The following TMEM170B variants were observed in gnomAD, a reference collection of about 807,000 sequenced individuals.
TMEM170B encodes transmembrane protein 170B.
TMEM170B carries 6 observed loss-of-function variants against 13.0 expected under a neutral mutation model. The observed-to-expected ratio is 0.46, with a 90% CI of 0.25 to 0.91. The LOEUF (loss-of-function observed/expected upper bound fraction) is 0.91, where lower values mean the gene tolerates loss of function less well. Ranked by LOEUF, TMEM170B falls within the 40% of genes least tolerant of loss-of-function variation. TMEM170B has a pLI of 0.17. For missense variants in TMEM170B, 138 were observed against 165.2 expected, an observed-to-expected ratio of 0.84 and a Z score of 0.90; for synonymous variants, 61 against 64.9, an observed-to-expected ratio of 0.94 and a Z score of 0.29.
intron 2 of TMEM170B, among the ~76,000 whole-genome samples, chr6:11,573,444 G>A (rs1582147469): frequency 6.6e-6 from 1 of 152,072 alleles, no homozygotes; most frequent in African/African-American, 2.4e-5. Context: ...TACTAGGATC[G>A]TCCACTGTTT....
chr6:11,542,694 A>G (rs1044528690), intron 1 of TMEM170B, among the ~76,000 whole-genome samples: 15 of 152,294 alleles, frequency 9.8e-5, no homozygotes, highest in African/African-American at 2.6e-4. Flanking sequence ...GATGGGATTC[A>G]TTGTGGCCTT....
intron 1 of TMEM170B, among the ~76,000 whole-genome samples, chr6:11,558,342 G>A (rs1383903119): frequency 6.6e-6 from 1 of 151,824 alleles, no homozygotes; most frequent in African/African-American, 2.4e-5. Context: ...ATATTTTTTG[G>A]TTTTAGTCAA....
chr6:11,542,664 T>G (rs1190580769), intron 1 of TMEM170B, among the ~76,000 whole-genome samples: 1 of 152,194 alleles, frequency 6.6e-6, no homozygotes, highest in Admixed American at 6.5e-5. Flanking sequence ...ACAGTGGCAG[T>G]CTATAAGTGA....
chr6:11,541,300 G>A (rs540986932), intron 1 of TMEM170B, among the ~76,000 whole-genome samples: 2 of 152,276 alleles, frequency 1.3e-5, no homozygotes, highest in East Asian at 1.9e-4. Context: ...TCTGTTGTTT[G>A]GGGTAGCCAC....
At chr6:11,572,431 ATTTAACT>A (rs916425343) in intron 2 of TMEM170B, among the ~76,000 whole-genome samples, 13 of 152,190 alleles carry the variant, frequency 8.5e-5, no homozygotes, top group African/African-American at 2.9e-4. Flanking sequence ...TCAAGAGTTT[ATTTAACT>A]TTTTCATTGT....
intron 1 of TMEM170B, among the ~76,000 whole-genome samples, chr6:11,538,625 A>T (rs1348381957): frequency 6.6e-6 from 1 of 151,996 alleles, no homozygotes; most frequent in Non-Finnish European, 1.5e-5. Context: ...GCACGGGGAG[A>T]GCTCCCGGTG....
intron 2 of TMEM170B, among the ~76,000 whole-genome samples, chr6:11,566,516 G>A (rs1019982373): frequency 2.0e-5 from 3 of 152,182 alleles, no homozygotes; most frequent in Admixed American, 2.0e-4. Flanking sequence ...AATCCATACA[G>A]GTCTGCAGCA....
At position 11,556,135 on chromosome 6, in the gene TMEM170B, G is replaced by A. The variant is rs1207315962; in HGVS notation, c.98-9531G>A. On this transcript the variant is annotated intron_variant, in intron 1 of 2. Coordinates refer to ENST00000379426, the MANE Select transcript of TMEM170B (RefSeq NM_001100829.3). ...CGCGCCACTGCACTCCAGCCTGGGC[G>A]ACAGAGCGAGACTCCGTCTCAAAAA... is the stretch of plus-strand genomic sequence containing the variant. Among the ~76,000 whole-genome samples the A allele has an allele frequency of 8.4e-3, 2 of 238 alleles. 1 individual carries two copies. The highest frequency in any genetic ancestry group is 8.5e-3 in the African/African-American group (2 of 236). The allele number at this position is 238 out of a possible 152,430, so 0.2% of individuals were successfully genotyped here.
chr6:11,565,410 A>G (rs1452863148), intron 1 of TMEM170B, among the ~76,000 whole-genome samples: 2 of 152,198 alleles, frequency 1.3e-5, no homozygotes, highest in African/African-American at 4.8e-5. Flanking sequence ...TAGCTATGTA[A>G]TAGGGGCATT....
intron 1 of TMEM170B, among the ~76,000 whole-genome samples, chr6:11,564,697 G>C (rs1759712874): frequency 6.6e-6 from 1 of 152,226 alleles, no homozygotes; most frequent in Non-Finnish European, 1.5e-5. Context: ...TAAGGGACTT[G>C]ATTCTCTCTT....
In TMEM170B at chr6:11,577,752, TTTGTAGAGTGTCCTGCAGTTATTATCAAG is replaced by T. The variant is rs1270786649; in HGVS notation, c.*2195_*2223del. On this transcript the variant is annotated 3_prime_UTR_variant, in exon 3 of 3. Transcript: ENST00000379426. ...GTATAATTGAACGGTTAATAATTAG[TTTGTAGAGTGTCCTGCAGTTATTATCAAG>T]TTGCTTTACATTATCAATTGTGTGT... 8.5e-5 allele frequency: 13 copies of T among 152,056 alleles called. No individual in the cohort carries two copies. The highest frequency in any genetic ancestry group is 2.9e-4 in the African/African-American group (12 of 41,434). 9.4% of individuals were successfully genotyped at this position (152,056 alleles called of 1,614,324 possible). A position where few individuals can be genotyped will look rare whatever the true frequency, so the allele number is the denominator to read the frequency against.
intron 2 of TMEM170B, 133 bp downstream of exon 2, chr6:11,565,969 A>G (rs1759727201): frequency 3.9e-6 from 3 of 778,852 alleles, no homozygotes; most frequent in Admixed American, 2.4e-5. Flanking sequence ...AACACACTCC[A>G]TCTAGAAGAT....
At chr6:11,541,396 G>C (rs1256127383) in intron 1 of TMEM170B, among the ~76,000 whole-genome samples, 1 of 152,160 alleles carries the variant, frequency 6.6e-6, no homozygotes, top group Non-Finnish European at 1.5e-5. Context: ...TGTTATAGAG[G>C]TGTCTTTTGT....
intron 1 of TMEM170B, among the ~76,000 whole-genome samples, chr6:11,553,966 A>G (rs1407970324): frequency 6.6e-6 from 1 of 152,042 alleles, no homozygotes; most frequent in Non-Finnish European, 1.5e-5. Flanking sequence ...GTACAGCATA[A>G]TTACTTCCTT....
intron 1 of TMEM170B, among the ~76,000 whole-genome samples, chr6:11,549,482 T>C (rs1207654705): frequency 6.6e-6 from 1 of 151,870 alleles, no homozygotes; most frequent in Non-Finnish European, 1.5e-5. Context: ...GCTAACATGG[T>C]GAAACCCCGT....
intron 1 of TMEM170B, among the ~76,000 whole-genome samples, chr6:11,554,254 T>C (rs779842032): frequency 1.3e-5 from 2 of 152,042 alleles, no homozygotes; most frequent in Non-Finnish European, 2.9e-5. Context: ...TTTTTTTAGG[T>C]TGGTGATTCA....
intron 1 of TMEM170B, among the ~76,000 whole-genome samples, chr6:11,551,086 T>C (rs756758164): frequency 6.6e-6 from 1 of 152,212 alleles, no homozygotes; most frequent in Non-Finnish European, 1.5e-5. Context: ...CAGCCAGGAC[T>C]ACTGCATTCT....
At chr6:11,566,194 A>G (rs1474193427) in intron 2 of TMEM170B, among the ~76,000 whole-genome samples, 1 of 152,216 alleles carries the variant, frequency 6.6e-6, no homozygotes, top group Non-Finnish European at 1.5e-5. Context: ...GTCAGTGATA[A>G]TTATCATAAG....
chr6:11,558,223 A>G (rs150675011), intron 1 of TMEM170B, among the ~76,000 whole-genome samples: 1,597 of 152,038 alleles, frequency 0.011, 10 homozygotes, highest in Middle Eastern at 0.02. Context: ...ATAATCTTCA[A>G]TTTTCACAAA....
Sources: gnomAD v4.1 joint callset for allele counts (sites outside exome capture counted in the v4.1 genomes callset) on GRCh38, gnomAD v4.1.1 for gene constraint, MANE v1.5 for transcripts, NCBI Gene and HGNC (gene_info 2026-07-23, HGNC 2026-07-21) for gene names.